MACROH2A1: variants seen among roughly 807,000 people sequenced by gnomAD.
MACROH2A1 encodes the protein macroH2A.1 histone.
Under a neutral mutation model 31.6 loss-of-function variants are expected in MACROH2A1, and 2 were observed. That is an observed-to-expected ratio of 0.06 (90% CI 0.03 to 0.20). The LOEUF is 0.20. Among genes scored for constraint, MACROH2A1 ranks in the 10% least tolerant of loss-of-function variants. MACROH2A1 has a pLI of 1.00. For missense variants in MACROH2A1, 230 were observed against 474.0 expected, an observed-to-expected ratio of 0.49 and a Z score of 4.78; for synonymous variants, 169 against 189.6, an observed-to-expected ratio of 0.89 and a Z score of 0.89.
chr5:135,392,103 C>T (rs1767328207), intron 1 of MACROH2A1, among the ~76,000 whole-genome samples: 1 of 152,186 alleles, frequency 6.6e-6, no homozygotes, highest in Non-Finnish European at 1.5e-5. Context: ...CTGGAATGCC[C>T]TTTGTCCTCT....
intron 2 of MACROH2A1, among the ~76,000 whole-genome samples, chr5:135,374,227 C>T (rs1033750918): frequency 6.6e-6 from 1 of 152,186 alleles, no homozygotes; most frequent in African/African-American, 2.4e-5. Flanking sequence ...AAAGAGTTGC[C>T]TGCTGCAGAG....
Position 135,359,516 on chromosome 5 carries a change from AAC to A in MACROH2A1, c.588+979_588+980del, listed in dbSNP as rs1333503189. 4.1e-6 allele frequency: 4 copies of A among 984,954 alleles called. No homozygotes were observed. The East Asian group carries it at 3.4e-4, about 84-fold the overall frequency. The allele number at this position is 984,954 out of a possible 1,614,324, so 61.0% of individuals were successfully genotyped here. ...GTAAACAGTAATGGTTATTTTCTGG[AAC>A]ACAGAGTCCACCACAGGAATTGCAT... On this transcript the variant is annotated intron_variant, in intron 5 of 8. Coordinates refer to ENST00000511689, the MANE Select transcript of MACROH2A1 (RefSeq NM_138610.3).
At chr5:135,361,104 A>G (rs372597526) in intron 4 of MACROH2A1, 10 of 265,494 alleles carry the variant, frequency 3.8e-5, no homozygotes, top group East Asian at 2.3e-4. Context: ...AGTGTTAGAG[A>G]AGGACGCATG....
chr5:135,398,566 C>A lies in MACROH2A1; in HGVS notation c.-34+496G>T, dbSNP rs539345538. Among the ~76,000 whole-genome samples the A allele has an allele frequency of 6.6e-6, 1 of 152,352 alleles. No individual in the cohort carries two copies. Among genetic ancestry groups the A allele is most frequent in the Non-Finnish European group, 1.5e-5 (1 of 68,026 alleles). ...GCGAGCCAGACGCCTACACCTCGGCCCCCCGGGGCTCGGGCCCGACTTATT... is the reference window on the plus strand; with the variant it reads ...GCGAGCCAGACGCCTACACCTCGGCACCCCGGGGCTCGGGCCCGACTTATT... On this transcript the variant is annotated intron_variant, in intron 1 of 8. Coordinates refer to ENST00000511689, the MANE Select transcript of MACROH2A1 (RefSeq NM_138610.3). This position sits in a 1 kb window ranked among gnomAD's most constrained non-coding sequence, Gnocchi z 4.6.
intron 2 of MACROH2A1, among the ~76,000 whole-genome samples, chr5:135,382,892 A>G (rs1432901994): frequency 6.6e-6 from 1 of 152,204 alleles, no homozygotes. Context: ...CTTTAGGAGG[A>G]CCATGAAGAA....
At chr5:135,337,899 C>G in intron 8 of MACROH2A1, 1 of 1,050,982 alleles carries the variant, frequency 9.5e-7, no homozygotes, top group Non-Finnish European at 1.2e-6. Flanking sequence ...CCAGGACAAC[C>G]CTTTGTTGAC....
chr5:135,360,996 G>A, intron 4 of MACROH2A1: 1 of 343,222 alleles, frequency 2.9e-6, no homozygotes, highest in South Asian at 2.3e-5. Flanking sequence ...AACTGTTCTA[G>A]GTCACTAATT....
chr5:135,383,846 G>GCAAGCAT (rs1273644957), intron 2 of MACROH2A1, among the ~76,000 whole-genome samples: 1 of 151,998 alleles, frequency 6.6e-6, no homozygotes, highest in Non-Finnish European at 1.5e-5. Flanking sequence ...GAAGGTACTA[G>GCAAGCAT]CAAGCATTAG....
chr5:135,390,732 G>A (rs1404407034), intron 1 of MACROH2A1, among the ~76,000 whole-genome samples: 1 of 152,214 alleles, frequency 6.6e-6, no homozygotes, highest in Non-Finnish European at 1.5e-5. Flanking sequence ...AGGAGTCCCT[G>A]TTACTCTGAT....
chr5:135,387,864 T>A (rs895313921), intron 2 of MACROH2A1, among the ~76,000 whole-genome samples: 1 of 152,044 alleles, frequency 6.6e-6, no homozygotes. Flanking sequence ...AAGTCCAGGG[T>A]AAGGCTGGAA....
At chr5:135,354,813 A>G in intron 5 of MACROH2A1, 2 of 341,218 alleles carry the variant, frequency 5.9e-6, no homozygotes, top group Non-Finnish European at 1.1e-5. Flanking sequence ...CTCCAAGCAA[A>G]TGCTATTTAC....
intron 5 of MACROH2A1, chr5:135,355,172 A>G: frequency 2.2e-6 from 1 of 456,040 alleles, no homozygotes; most frequent in Non-Finnish European, 4.4e-6. Context: ...CGGGAGAACC[A>G]CCTGCTCTGT....
At chr5:135,357,636 T>A (rs1762335919) in intron 5 of MACROH2A1, 1 of 524,034 alleles carries the variant, frequency 1.9e-6, no homozygotes, top group African/African-American at 2.1e-5. Context: ...TTAGACACAT[T>A]AGAAATGTTT....
Position 135,369,945 on chromosome 5 carries a change from T to C in MACROH2A1, c.279+91A>G, listed in dbSNP as rs577601990. 12 of 840,256 alleles carry C rather than the reference T, an allele frequency of 1.4e-5. No homozygotes were observed. The highest frequency in any genetic ancestry group is 1.3e-4 in the African/African-American group (8 of 59,556). 52.1% of individuals were successfully genotyped at this position (840,256 alleles called of 1,614,324 possible). ...TCCAAAAGGCAGTCCACACCTTTCA[T>C]AACCAGCCAACACCAAAGCCTCTCA... On this transcript the variant is annotated intron_variant, in intron 3 of 8. Coordinates refer to ENST00000511689, the MANE Select transcript of MACROH2A1 (RefSeq NM_138610.3). This position sits in a 1 kb window ranked among gnomAD's most constrained non-coding sequence, Gnocchi z 4.3.
intron 6 of MACROH2A1, chr5:135,346,984 G>C (rs1343417605): frequency 6.6e-6 from 1 of 152,356 alleles, no homozygotes; most frequent in East Asian, 1.9e-4. Flanking sequence ...AGTTTGGCCA[G>C]AATGGGGTCT....
rs1327289651 is a variant in MACROH2A1 at position 135,358,219 on chromosome 5, A to G, written c.588+2278T>C. ...AAAAGCCAGAAAGTAATGCTTCAAAATAATGCTCTAATGTATCAATGCTCA... is the reference window on the plus strand; with the variant it reads ...AAAAGCCAGAAAGTAATGCTTCAAAGTAATGCTCTAATGTATCAATGCTCA... On this transcript the variant is annotated intron_variant, in intron 5 of 8. Coordinates refer to ENST00000511689, the MANE Select transcript of MACROH2A1 (RefSeq NM_138610.3). 25 of 985,344 alleles carry G rather than the reference A, an allele frequency of 2.5e-5. No homozygotes were observed. In the Admixed American group the frequency reaches 6.1e-4, roughly 24 times the overall value. The allele number at this position is 985,344 out of a possible 1,614,324, so 61.0% of individuals were successfully genotyped here. A position where few individuals can be genotyped will look rare whatever the true frequency, so the allele number is the denominator to read the frequency against.
intron 8 of MACROH2A1, 82 bp from the exon 9 acceptor site, chr5:135,335,223 T>C: frequency 9.8e-7 from 1 of 1,018,062 alleles, no homozygotes. Context: ...GCCACCTCCC[T>C]CTGTGCTGCA....
chr5:135,365,693 G>A (rs1763414178), intron 4 of MACROH2A1, among the ~76,000 whole-genome samples: 1 of 152,174 alleles, frequency 6.6e-6, no homozygotes, highest in Non-Finnish European at 1.5e-5. Flanking sequence ...TGAGATTAAT[G>A]TAGTTAAAAT....
At chr5:135,366,803 G>A (rs932941698) in intron 4 of MACROH2A1, among the ~76,000 whole-genome samples, 1 of 152,076 alleles carries the variant, frequency 6.6e-6, no homozygotes, top group African/African-American at 2.4e-5. Context: ...ATATGCATAC[G>A]GTTACTGAAT....
Sources: gnomAD v4.1 joint callset for allele counts (sites outside exome capture counted in the v4.1 genomes callset) on GRCh38, gnomAD v4.1.1 for gene constraint, Gnocchi (gnomAD v3.1) non-coding constraint, MANE v1.5 for transcripts, NCBI Gene and HGNC (gene_info 2026-07-23, HGNC 2026-07-21) for gene names.